The following INTS2 variants were observed in gnomAD, a reference collection of about 807,000 sequenced individuals.
The protein encoded by INTS2 is integrator complex subunit 2, also known as KIAA1287.
In INTS2, 57 loss-of-function variants were observed where a neutral mutation model predicts 139.6. The ratio of observed to expected loss-of-function variants is 0.41; its 90% CI spans 0.33 to 0.51. INTS2 has a LOEUF of 0.51. Among genes scored for constraint, INTS2 ranks in the 20% least tolerant of loss-of-function variants. The probability of loss-of-function intolerance (pLI) is 0.28; values close to 1 mark genes in which losing one functional copy is unlikely to be tolerated. For synonymous variants in INTS2, 473 were observed against 493.4 expected, an observed-to-expected ratio of 0.96 and a Z score of 0.55; for missense variants, 1,196 against 1,436.7, an observed-to-expected ratio of 0.83 and a Z score of 2.71.
chr17:61,910,448 C>G (rs1048376312), intron 7 of INTS2: 1 of 151,704 alleles, frequency 6.6e-6, no homozygotes, highest in Non-Finnish European at 1.5e-5. Context: ...ATAAAAGTAG[C>G]CAAGTGTGGT....
intron 16 of INTS2, 111 bp downstream of exon 16, chr17:61,884,790 C>T: frequency 1.4e-6 from 1 of 726,904 alleles, no homozygotes; most frequent in Non-Finnish European, 2.3e-6. Flanking sequence ...GAATTTCACT[C>T]TTGAACTGTT....
intron 9 of INTS2, among the ~76,000 whole-genome samples, chr17:61,902,518 A>T (rs948927627): frequency 1.3e-5 from 2 of 152,116 alleles, no homozygotes; most frequent in African/African-American, 4.8e-5. Flanking sequence ...GTGTATATAC[A>T]GAGTTATGCA....
chr17:61,876,462 G>A lies in INTS2; in HGVS notation c.2457-1424C>T, dbSNP rs371477836. Among the ~76,000 whole-genome samples the A allele has an allele frequency of 2.2e-4, 33 of 151,894 alleles. No homozygotes were observed. In the East Asian group the frequency reaches 6.0e-3, roughly 28 times the overall value. ...ATGTCTCCAAGAAAAAAAAAATAGTGTTTCTTTTGTTTTTTTTTGAGACAG... is the reference window on the plus strand; with the variant it reads ...ATGTCTCCAAGAAAAAAAAAATAGTATTTCTTTTGTTTTTTTTTGAGACAG... On this transcript the variant is annotated intron_variant, in intron 18 of 24. Coordinates refer to ENST00000251334, the MANE Select transcript of INTS2 (RefSeq NM_001351695.2). This position sits in a 1 kb window ranked among gnomAD's most constrained non-coding sequence, Gnocchi z 4.1.
chr17:61,916,763 C>T (rs1487658551), intron 5 of INTS2, among the ~76,000 whole-genome samples: 4 of 152,144 alleles, frequency 2.6e-5, no homozygotes, highest in East Asian at 1.9e-4. Context: ...GCCAAGTCCT[C>T]AAAAGCAATT....
In INTS2 at chr17:61,880,996, A is replaced by G; in HGVS notation, c.2254+11T>C. On this transcript the variant is annotated intron_variant, in intron 17 of 24. Coordinates refer to ENST00000251334, the MANE Select transcript of INTS2 (RefSeq NM_001351695.2). ...AAAAGGGGTTAAAGGAGTATCAATAATTTACTATACCTTCTTGGAGTTGTT... is the reference window on the plus strand; with the variant it reads ...AAAAGGGGTTAAAGGAGTATCAATAGTTTACTATACCTTCTTGGAGTTGTT... 1 of 1,608,080 alleles carries G rather than the reference A, an allele frequency of 6.2e-7. No homozygotes were observed. Among genetic ancestry groups the G allele is most frequent in the Admixed American group, 1.7e-5 (1 of 59,898 alleles).
rs923932554 is a variant in INTS2 at position 61,897,177 on chromosome 17, G to A, written c.1494+292C>T. Among the ~76,000 whole-genome samples, 3 of 151,934 alleles carry A rather than the reference G, an allele frequency of 2.0e-5. No homozygotes were observed. Among genetic ancestry groups the A allele is most frequent in the Admixed American group, 6.6e-5 (1 of 15,252 alleles). On this transcript the variant is annotated intron_variant, in intron 11 of 24. Coordinates refer to ENST00000251334, the MANE Select transcript of INTS2 (RefSeq NM_001351695.2). This position sits in a 1 kb window ranked among gnomAD's most constrained non-coding sequence, Gnocchi z 4.4. ...TTTTTTTAAATCATCAAATATGTAC[G>A]TCACTTTAAAGAAAGAACAGACATC...
chr17:61,888,915 C>T (rs974338195), intron 15 of INTS2, among the ~76,000 whole-genome samples: 3 of 151,902 alleles, frequency 2.0e-5, no homozygotes, highest in Non-Finnish European at 2.9e-5. Flanking sequence ...GTCCCAGCTA[C>T]GCCGGAGGCT....
At chr17:61,887,772 G>T (rs566837448) in intron 15 of INTS2, among the ~76,000 whole-genome samples, 1 of 151,982 alleles carries the variant, frequency 6.6e-6, no homozygotes, top group Non-Finnish European at 1.5e-5. Flanking sequence ...GAAAATCCAG[G>T]CCGGGTGTGA....
At chr17:61,889,577 A>G (rs780440001) in intron 15 of INTS2, among the ~76,000 whole-genome samples, 40 of 152,222 alleles carry the variant, frequency 2.6e-4, no homozygotes, top group Non-Finnish European at 5.1e-4. Context: ...TTAGCCTCTG[A>G]TAAGGAGGAC....
chr17:61,927,844 C>T lies in INTS2; in HGVS notation c.-209G>A. On this transcript the variant is annotated 5_prime_UTR_variant, in exon 1 of 25. Transcript: ENST00000251334. ...GCCGGGACCAACCGGGTTGTCGATA[C>T]AAAGTGGGAAGGATGGGGGCACCAC... is the stretch of plus-strand genomic sequence containing the variant. The T allele has an allele frequency of 6.2e-7, 1 of 1,613,604 alleles. No homozygotes were observed. The highest frequency in any genetic ancestry group is 1.7e-5 in the Admixed American group (1 of 59,968).
Position 61,865,807 on chromosome 17 carries a change from ACTTTTATTT to A in INTS2, c.*1741_*1749del, listed in dbSNP as rs938403584. 6.6e-6 allele frequency: 1 copy of A among 152,218 alleles called. No homozygotes were observed. Among genetic ancestry groups the A allele is most frequent in the Admixed American group, 6.5e-5 (1 of 15,274 alleles). 9.4% of individuals were successfully genotyped at this position (152,218 alleles called of 1,614,324 possible). A position where few individuals can be genotyped will look rare whatever the true frequency, so the allele number is the denominator to read the frequency against. ...ATGCTATTTTTAAGATACTTTTATTACTTTTATTTTTCACATCAAAATTACTTAATTGAA... is the reference window on the plus strand; with the variant it reads ...ATGCTATTTTTAAGATACTTTTATTATTCACATCAAAATTACTTAATTGAA... On this transcript the variant is annotated 3_prime_UTR_variant, in exon 25 of 25. Transcript: ENST00000251334. This position sits in a 1 kb window ranked among gnomAD's most constrained non-coding sequence, Gnocchi z 4.8.
At chr17:61,890,633 T>C (rs2079281686) in intron 14 of INTS2, among the ~76,000 whole-genome samples, 1 of 145,564 alleles carries the variant, frequency 6.9e-6, no homozygotes, top group Non-Finnish European at 1.5e-5. Context: ...AAAATCCCCC[T>C]AAATGAATGT....
rs1487184202 is a variant in INTS2 at position 61,872,580 on chromosome 17, T to C, written c.2583-120A>G. On this transcript the variant is annotated intron_variant, in intron 19 of 24. Transcript: ENST00000251334. The surrounding 1 kb of genome is among the most constrained non-coding windows in gnomAD (Gnocchi z 4.8). ...AAACCTGAGTAGTACATACTAACTT[T>C]TCCCACTAAAATATTCATTCTCAAA... 1.7e-5 allele frequency: 9 copies of C among 534,692 alleles called. No homozygotes were observed. The highest frequency in any genetic ancestry group is 2.2e-5 in the Non-Finnish European group (7 of 320,136). 33.1% of individuals were successfully genotyped at this position (534,692 alleles called of 1,614,324 possible). A position where few individuals can be genotyped will look rare whatever the true frequency, so the allele number is the denominator to read the frequency against.
chr17:61,914,458 G>C (rs2079557205), intron 5 of INTS2, among the ~76,000 whole-genome samples: 1 of 152,120 alleles, frequency 6.6e-6, no homozygotes, highest in African/African-American at 2.4e-5. Flanking sequence ...CCAGCACTTT[G>C]GGAGGCCACA....
chr17:61,926,710 A>G (rs756128087), intron 1 of INTS2, 48 bp from the exon 2 acceptor site: 1 of 1,437,304 alleles, frequency 7.0e-7, no homozygotes, highest in Non-Finnish European at 9.6e-7. Context: ...TTTCACATGT[A>G]TGAACACCCA....
intron 4 of INTS2, among the ~76,000 whole-genome samples, chr17:61,921,519 G>C (rs1018651629): frequency 2.6e-5 from 4 of 152,110 alleles, no homozygotes; most frequent in Non-Finnish European, 5.9e-5. Context: ...AAGATACCAT[G>C]TTAATGTCTG....
chr17:61,867,646 T>C lies in INTS2; in HGVS notation c.3502A>G (p.Thr1168Ala). Residue 1168 changes from threonine to alanine, a missense_variant, in exon 25 of 25, where the codon ACT (threonine) becomes GCT (alanine). By Grantham distance (58) the Thr-to-Ala change is moderately conservative. Coordinates refer to ENST00000251334, the MANE Select transcript of INTS2 (RefSeq NM_001351695.2). The surrounding 1 kb of genome is among the most constrained non-coding windows in gnomAD (Gnocchi z 5.6). ...DSSYKNGSRD[T>A]GSMDPDVQLC... ...TGTACATCAGGATCCATGCTTCCAG[T>C]GTCCCTGGATCCATTTTTATAAGAT... 1.2e-6 allele frequency: 2 copies of C among 1,608,722 alleles called. No homozygotes were observed. Among genetic ancestry groups the C allele is most frequent in the Non-Finnish European group, 1.7e-6 (2 of 1,175,164 alleles).
chr17:61,893,871 G>C lies in INTS2; in HGVS notation c.1592C>G (p.Pro531Arg). Residue 531 changes from proline (P) to arginine (R), a missense_variant, in exon 13 of 25, where the codon CCT (proline) becomes CGT (arginine). By Grantham distance (103) the Pro-to-Arg change is moderately radical. Coordinates refer to ENST00000251334, the MANE Select transcript of INTS2 (RefSeq NM_001351695.2). This position sits in a 1 kb window ranked among gnomAD's most constrained non-coding sequence, Gnocchi z 5.4. ...QVVTAHAVRV[P>R]VTSNLSANIT... Reference sequence around the variant, plus strand: ...GTTGGCACTCAGGTTGCTGGTGACAGGGACCCGAACTGCATGAGCTGTGAC... The same window carrying C: ...GTTGGCACTCAGGTTGCTGGTGACACGGACCCGAACTGCATGAGCTGTGAC... 6.3e-7 allele frequency: 1 copy of C among 1,579,356 alleles called. No homozygotes were observed. Among genetic ancestry groups the C allele is most frequent in the Non-Finnish European group, 8.6e-7 (1 of 1,161,804 alleles).
chr17:61,922,543 T>TATATATAC (rs1240177230), intron 3 of INTS2, among the ~76,000 whole-genome samples: 9 of 125,670 alleles, frequency 7.2e-5, no homozygotes, highest in African/African-American at 2.6e-4. Context: ...TATATATATA[T>TATATATAC]ATACGTGTTC....
Sources: allele counts gnomAD v4.1 joint callset (sites outside exome capture counted in the v4.1 genomes callset), GRCh38; gene constraint gnomAD v4.1.1; non-coding constraint Gnocchi (gnomAD v3.1); transcripts MANE v1.5; gene names NCBI Gene and HGNC (gene_info 2026-07-23, HGNC 2026-07-21).